The following MAGI2 variants were observed in gnomAD, a reference collection of about 807,000 sequenced individuals.
MAGI2 encodes membrane associated guanylate kinase, WW and PDZ domain containing 2.
MAGI2 carries 35 observed loss-of-function variants against 133.3 expected under a neutral mutation model. The ratio of observed to expected loss-of-function variants is 0.26; its 90% CI spans 0.20 to 0.35. The LOEUF is 0.35. MAGI2 is among the 10% of genes least tolerant of loss of function. The probability of loss-of-function intolerance (pLI) is 1.00; values close to 1 mark genes in which losing one functional copy is unlikely to be tolerated. For missense variants in MAGI2, 1,636 were observed against 1,863.4 expected (o/e 0.88, Z 2.25); for synonymous variants, 729 against 710.6 (o/e 1.03, Z -0.41).
intron 1 of MAGI2, among the ~76,000 whole-genome samples, chr7:79,018,157 G>T (rs1808924548): frequency 6.6e-6 from 1 of 151,900 alleles, no homozygotes; most frequent in African/African-American, 2.4e-5. Flanking sequence ...AGAAAGAAGG[G>T]TCAGCTAACC....
At chr7:79,136,093 GAAA>G (rs1821513482) in intron 1 of MAGI2, among the ~76,000 whole-genome samples, 1 of 149,342 alleles carries the variant, frequency 6.7e-6, no homozygotes, top group Non-Finnish European at 1.5e-5. Flanking sequence ...AAGAAAGAAA[GAAA>G]GAAAGAAAGA....
intron 9 of MAGI2, among the ~76,000 whole-genome samples, chr7:78,287,006 A>G (rs1312822316): frequency 6.6e-6 from 1 of 152,182 alleles, no homozygotes; most frequent in African/African-American, 2.4e-5. Context: ...TTTATAGTGG[A>G]GGACATTGTA....
At chr7:78,031,060 C>G (rs967773580) in intron 21 of MAGI2, among the ~76,000 whole-genome samples, 1 of 152,184 alleles carries the variant, frequency 6.6e-6, no homozygotes, top group Non-Finnish European at 1.5e-5. Flanking sequence ...CTTATACACT[C>G]AACGTGAGTG....
intron 5 of MAGI2, among the ~76,000 whole-genome samples, chr7:78,498,703 G>T (rs1426459384): frequency 6.6e-6 from 1 of 152,120 alleles, no homozygotes; most frequent in Non-Finnish European, 1.5e-5. Context: ...CGAATCTTGA[G>T]GTTCAAAGGT....
At chr7:78,336,564 A>T (rs2691545) in intron 9 of MAGI2, among the ~76,000 whole-genome samples, 75,120 of 151,840 alleles carry the variant, frequency 0.49, 19,032 homozygotes, top group Middle Eastern at 0.54. Flanking sequence ...CTCTATAAAA[A>T]TTTTAAAGAA....
chr7:78,083,385 G>GAGAGAGAGAGAGA (rs1816223117), intron 20 of MAGI2, among the ~76,000 whole-genome samples: 1 of 45,424 alleles, frequency 2.2e-5, no homozygotes, highest in Non-Finnish European at 4.1e-5. Context: ...GGAGGGAGGG[G>GAGAGAGAGAGAGA]GGGAGAGAGA....
At chr7:79,369,916 C>T (rs1217281443) in intron 1 of MAGI2, among the ~76,000 whole-genome samples, 2 of 152,086 alleles carry the variant, frequency 1.3e-5, no homozygotes, top group African/African-American at 4.8e-5. Flanking sequence ...TTCCAAGAGG[C>T]AAATTCTATA....
At chr7:78,401,535 T>G (rs1187026873) in intron 6 of MAGI2, among the ~76,000 whole-genome samples, 1 of 152,158 alleles carries the variant, frequency 6.6e-6, no homozygotes, top group Non-Finnish European at 1.5e-5. Flanking sequence ...TTTTAGACAG[T>G]CTTTTTGTGT....
At chr7:78,973,145 C>G (rs1037756029) in intron 2 of MAGI2, among the ~76,000 whole-genome samples, 1 of 151,894 alleles carries the variant, frequency 6.6e-6, no homozygotes, top group Non-Finnish European at 1.5e-5. Context: ...CAATTATGCT[C>G]TGGGGTGTTT....
intron 2 of MAGI2, among the ~76,000 whole-genome samples, chr7:78,855,233 C>T (rs1033285101): frequency 6.6e-6 from 1 of 151,968 alleles, no homozygotes; most frequent in Non-Finnish European, 1.5e-5. Context: ...ACTACAGGAA[C>T]TCAACACCAT....
chr7:78,358,613 G>T, intron 7 of MAGI2: 1 of 172,974 alleles, frequency 5.8e-6, no homozygotes, highest in South Asian at 1.2e-4. Context: ...ACTGCCCTAT[G>T]ACAAGGTGGT....
In MAGI2 at chr7:78,371,632, T is replaced by C. The variant is rs534927076; in HGVS notation, c.1046-2419A>G. On this transcript the variant is annotated intron_variant, in intron 6 of 21. Coordinates refer to ENST00000354212, the MANE Select transcript of MAGI2 (RefSeq NM_012301.4). ...AGAAGGGCAGAGTTCATTGATTCTTTTCTTTGTCAGATTTACAATGCCAAA... is the reference window on the plus strand; with the variant it reads ...AGAAGGGCAGAGTTCATTGATTCTTCTCTTTGTCAGATTTACAATGCCAAA... Among the ~76,000 whole-genome samples, 3 of 152,154 alleles carry C rather than the reference T, an allele frequency of 2.0e-5. No homozygotes were observed. In the South Asian group the frequency reaches 6.2e-4, roughly 31 times the overall value.
intron 1 of MAGI2, among the ~76,000 whole-genome samples, chr7:79,448,369 A>T (rs1849006446): frequency 6.6e-6 from 1 of 152,124 alleles, no homozygotes. Flanking sequence ...TTTTCAGTTA[A>T]TTTGAATTGA....
At chr7:79,045,905 A>C (rs1183555252) in intron 1 of MAGI2, among the ~76,000 whole-genome samples, 3 of 152,160 alleles carry the variant, frequency 2.0e-5, no homozygotes, top group African/African-American at 7.2e-5. Context: ...GTTTACATGA[A>C]TCTATACATA....
intron 1 of MAGI2, among the ~76,000 whole-genome samples, chr7:79,446,621 A>T (rs1218437117): frequency 3.9e-5 from 6 of 152,130 alleles, no homozygotes; most frequent in Non-Finnish European, 2.9e-5. Flanking sequence ...CATTCATATA[A>T]ATCACCCACT....
At chr7:78,942,197 A>G (rs1277155208) in intron 2 of MAGI2, among the ~76,000 whole-genome samples, 3 of 152,148 alleles carry the variant, frequency 2.0e-5, no homozygotes, top group Admixed American at 1.3e-4. Context: ...TGGCAAGATG[A>G]TATACCAAAT....
At chr7:78,327,610 G>A (rs1171728911) in intron 9 of MAGI2, among the ~76,000 whole-genome samples, 1 of 152,168 alleles carries the variant, frequency 6.6e-6, no homozygotes, top group Non-Finnish European at 1.5e-5. Flanking sequence ...GATTATAGTA[G>A]GGGAGCCCCC....
chr7:78,344,053 CA>C, intron 8 of MAGI2, 93 bp from the exon 9 acceptor site: 1 of 1,172,058 alleles, frequency 8.5e-7, no homozygotes. Flanking sequence ...GCGACAATCC[CA>C]GGGGTAAATG....
intron 6 of MAGI2, among the ~76,000 whole-genome samples, chr7:78,432,871 CA>C (rs545866061): frequency 7.6e-4 from 115 of 152,018 alleles, no homozygotes; most frequent in Admixed American, 2.5e-3. Flanking sequence ...TGCTACTAGC[CA>C]GGGGGTAAAG....
Sources: gnomAD v4.1 joint callset for allele counts (sites outside exome capture counted in the v4.1 genomes callset) on GRCh38, gnomAD v4.1.1 for gene constraint, MANE v1.5 for transcripts, NCBI Gene and HGNC (gene_info 2026-07-23, HGNC 2026-07-21) for gene names.